ATP13A4: variants seen among roughly 807,000 people sequenced by gnomAD.
The protein encoded by ATP13A4 is ATPase 13A4, also known as probable cation-transporting ATPase 13A4.
In ATP13A4, 114 loss-of-function variants were observed where a neutral mutation model predicts 142.5. The ratio of observed to expected loss-of-function variants is 0.80; its 90% confidence interval spans 0.69 to 0.93. The LOEUF (loss-of-function observed/expected upper bound fraction) is 0.93. ATP13A4 is among the 40% of genes least tolerant of loss of function. The probability of loss-of-function intolerance (pLI) is 0.00; values close to 1 mark genes in which losing one functional copy is unlikely to be tolerated. For synonymous variants in ATP13A4, 488 were observed against 514.8 expected, an observed-to-expected ratio of 0.95 and a Z score of 0.70; for missense variants, 1,392 against 1,454.0, an observed-to-expected ratio of 0.96 and a Z score of 0.69.
At chr3:193,459,261 T>G (rs769090540) in intron 13 of ATP13A4, 30 bp from the exon 14 acceptor site, 1 of 1,613,750 alleles carries the variant, frequency 6.2e-7, no homozygotes, top group Non-Finnish European at 8.5e-7. Context: ...GGGTTTCCAT[T>G]CCATCGCCTC....
intron 14 of ATP13A4, among the ~76,000 whole-genome samples, chr3:193,457,922 G>A (rs1176231772): frequency 6.6e-6 from 1 of 152,126 alleles, no homozygotes; most frequent in Admixed American, 6.5e-5. Context: ...TGATATACAT[G>A]GTTAATAATC....
chr3:193,505,703 T>C (rs572518315), intron 2 of ATP13A4, among the ~76,000 whole-genome samples: 1 of 152,288 alleles, frequency 6.6e-6, no homozygotes, highest in African/African-American at 2.4e-5. Context: ...TCTTGTATAC[T>C]ACCCTGTTGA....
chr3:193,579,863 C>A (rs935744549), intron 2 of ATP13A4, among the ~76,000 whole-genome samples: 2 of 152,174 alleles, frequency 1.3e-5, no homozygotes, highest in African/African-American at 4.8e-5. Context: ...AGTGCCCATA[C>A]GTTAACTAAT....
At chr3:193,503,995 A>ATGTGTGTGTGTGTGTGTGTGTG (rs554927410) in intron 2 of ATP13A4, among the ~76,000 whole-genome samples, 30 of 136,152 alleles carry the variant, frequency 2.2e-4, no homozygotes, top group African/African-American at 4.5e-4. Flanking sequence ...TTCTGTGTGC[A>ATGTGTGTGTGTGTGTGTGTGTG]TGTGTGTGTG....
chr3:193,510,341 G>A (rs1219722961), intron 2 of ATP13A4, among the ~76,000 whole-genome samples: 2 of 152,162 alleles, frequency 1.3e-5, no homozygotes, highest in Non-Finnish European at 2.9e-5. Flanking sequence ...AAACGGAAGT[G>A]CCTTGAGTCA....
At position 193,452,561 on chromosome 3, in the gene ATP13A4, T is replaced by G. The variant is rs549440164; in HGVS notation, c.2027+1540A>C. Among the ~76,000 whole-genome samples, 289 of 147,862 alleles carry G rather than the reference T, an allele frequency of 2.0e-3. 3 individuals are homozygous for G. The highest frequency in any genetic ancestry group is 0.014 in the South Asian group (68 of 4,768). ...AAACAGTCCTCCCTCTAGAGGACAT[T>G]GTGGAATTTTTTTTTTTTTTTTTTT... On this transcript the variant is annotated intron_variant, in intron 17 of 29. Transcript: ENST00000342695.
At chr3:193,449,011 C>A (rs1377006606) in intron 17 of ATP13A4, among the ~76,000 whole-genome samples, 1 of 152,038 alleles carries the variant, frequency 6.6e-6, no homozygotes, top group East Asian at 1.9e-4. Flanking sequence ...AAATAAAATG[C>A]CAGTTTCTCC....
intron 14 of ATP13A4, 43 bp downstream of exon 14, chr3:193,459,038 C>T: frequency 6.2e-7 from 1 of 1,611,042 alleles, no homozygotes; most frequent in Non-Finnish European, 8.5e-7. Flanking sequence ...GTTGCTCTGG[C>T]ATTGAAGAAG....
At chr3:193,438,644 T>C in intron 22 of ATP13A4, 60 bp from the exon 23 acceptor site, 1 of 1,455,540 alleles carries the variant, frequency 6.9e-7, no homozygotes, top group Non-Finnish European at 9.6e-7. Context: ...TACTAAAGCC[T>C]CATAAGAAAA....
chr3:193,419,526 T>TGTTG (rs1168311191), intron 25 of ATP13A4, among the ~76,000 whole-genome samples: 2 of 148,458 alleles, frequency 1.3e-5, no homozygotes, highest in Non-Finnish European at 3.0e-5. Flanking sequence ...GGAACTGGTG[T>TGTTG]GTTGGCCAAG....
intron 13 of ATP13A4, 64 bp from the exon 14 acceptor site, chr3:193,459,295 G>A (rs1000958337): frequency 6.8e-5 from 108 of 1,591,352 alleles, no homozygotes; most frequent in Non-Finnish European, 9.1e-5. Context: ...GCATCTTGGA[G>A]GTGAACAAAC....
At chr3:193,509,796 T>C (rs192293692) in intron 2 of ATP13A4, among the ~76,000 whole-genome samples, 11 of 152,242 alleles carry the variant, frequency 7.2e-5, no homozygotes, top group Admixed American at 2.6e-4. Flanking sequence ...ATTTAATAAG[T>C]AGAGACAACA....
chr3:193,406,440 A>C (rs948056901), intron 29 of ATP13A4, among the ~76,000 whole-genome samples: 1 of 152,224 alleles, frequency 6.6e-6, no homozygotes, highest in Non-Finnish European at 1.5e-5. Flanking sequence ...GACAGATGGA[A>C]TTCTGCATCT....
At chr3:193,546,161 A>T (rs958996877) in intron 1 of ATP13A4, among the ~76,000 whole-genome samples, 11 of 152,128 alleles carry the variant, frequency 7.2e-5, no homozygotes, top group Admixed American at 7.2e-4. Flanking sequence ...AAATTGACTC[A>T]GGTCTTGAAG....
intron 25 of ATP13A4, among the ~76,000 whole-genome samples, chr3:193,429,891 A>G (rs1715875972): frequency 6.6e-6 from 1 of 152,094 alleles, no homozygotes. Flanking sequence ...AAATACATCA[A>G]AATGCTTTAA....
Position 193,400,615 on chromosome 3 carries a change from T to C in ATP13A4, c.*2037A>G, listed in dbSNP as rs1170633989. 6.6e-6 allele frequency among the ~76,000 whole-genome samples: 1 copy of C among 152,206 alleles called. No individual in the cohort carries two copies. The highest frequency in any genetic ancestry group is 6.5e-5 in the Admixed American group (1 of 15,280). ...AGCAATATAAGGTTTGCTCAGAAGA[T>C]CTGTATTTGAGGCCTAGATCTGCTC... On this transcript the variant is annotated 3_prime_UTR_variant, in exon 30 of 30. Coordinates refer to ENST00000342695, the MANE Select transcript of ATP13A4 (RefSeq NM_032279.4).
At chr3:193,434,019 T>C (rs1716118910) in intron 24 of ATP13A4, 102 bp from the exon 25 acceptor site, 1 of 972,402 alleles carries the variant, frequency 1.0e-6, no homozygotes, top group African/African-American at 1.6e-5. Context: ...GTTTTTCAAG[T>C]AAATTACTGT....
At chr3:193,451,981 G>T (rs553531719) in intron 17 of ATP13A4, among the ~76,000 whole-genome samples, 14 of 152,274 alleles carry the variant, frequency 9.2e-5, no homozygotes, top group Admixed American at 4.6e-4. Context: ...GACCATACAA[G>T]ATTTTAAGAA....
intron 2 of ATP13A4, chr3:193,579,184 G>C (rs543157514): frequency 1.3e-5 from 2 of 157,370 alleles, no homozygotes; most frequent in African/African-American, 4.8e-5. Flanking sequence ...TTTCCAAACA[G>C]AGGTATCAAT....
Sources: allele counts gnomAD v4.1 joint callset (sites outside exome capture counted in the v4.1 genomes callset), GRCh38; gene constraint gnomAD v4.1.1; transcripts MANE v1.5; gene names NCBI Gene and HGNC (gene_info 2026-07-23, HGNC 2026-07-21).